The following RYR3 variants were observed in gnomAD, a reference collection of about 807,000 sequenced individuals.
RYR3 encodes the protein ryanodine receptor 3.
A neutral mutation model predicts 584.3 loss-of-function variants in RYR3; 207 were observed. The observed-to-expected ratio is 0.35, with a 90% CI of 0.32 to 0.40. The LOEUF is 0.40. Ranked by LOEUF, RYR3 falls within the 10% of genes least tolerant of loss-of-function variation. The pLI is 1.00. For missense variants in RYR3, 5,616 were observed against 6,089.2 expected, an observed-to-expected ratio of 0.92 and a Z score of 2.59; for synonymous variants, 2,416 against 2,248.5, an observed-to-expected ratio of 1.07 and a Z score of -2.11.
chr15:33,826,301 C>CGT (rs974343524), intron 83 of RYR3, 32 bp downstream of exon 83: 11 of 1,608,762 alleles, frequency 6.8e-6, no homozygotes, highest in Admixed American at 3.3e-5. Context: ...GAGTTCCTAC[C>CGT]GTGTGTGAAT....
intron 1 of RYR3, among the ~76,000 whole-genome samples, chr15:33,354,005 C>T (rs2140951612): frequency 6.6e-6 from 1 of 152,264 alleles, no homozygotes; most frequent in East Asian, 1.9e-4. Flanking sequence ...TGACGGCTGC[C>T]CAGAATCAAA....
At chr15:33,841,203 C>G (rs2078341360) in intron 90 of RYR3, among the ~76,000 whole-genome samples, 2 of 151,946 alleles carry the variant, frequency 1.3e-5, no homozygotes, top group South Asian at 2.1e-4. Flanking sequence ...GGCAGCAGAG[C>G]AAGACCCTGT....
chr15:33,511,655 A>G (rs972295678), intron 3 of RYR3, among the ~76,000 whole-genome samples: 7 of 151,636 alleles, frequency 4.6e-5, no homozygotes, highest in Admixed American at 3.3e-4. Context: ...TTGTGAAATT[A>G]GAGGTGGCTG....
intron 69 of RYR3, 121 bp from the exon 70 acceptor site, chr15:33,807,434 G>A (rs997933695): frequency 1.3e-5 from 12 of 952,924 alleles, no homozygotes; most frequent in Non-Finnish European, 2.0e-5. Context: ...AGTTTCTGTT[G>A]TGTTGGCTGA....
intron 12 of RYR3, among the ~76,000 whole-genome samples, chr15:33,576,840 G>C (rs2058325065): frequency 1.3e-5 from 2 of 152,194 alleles, no homozygotes; most frequent in African/African-American, 4.8e-5. Context: ...TCTGTTTGCA[G>C]ATGACATGAT....
intron 40 of RYR3, among the ~76,000 whole-genome samples, chr15:33,698,479 G>C (rs987299774): frequency 6.6e-6 from 1 of 152,220 alleles, no homozygotes; most frequent in African/African-American, 2.4e-5. Context: ...GCATCAGGGG[G>C]AGCTCCTGTT....
At chr15:33,754,122 C>T (rs1253345343) in intron 57 of RYR3, among the ~76,000 whole-genome samples, 3 of 152,100 alleles carry the variant, frequency 2.0e-5, no homozygotes, top group Non-Finnish European at 2.9e-5. Context: ...CCAATCTGGG[C>T]GACAGAGTGA....
At position 33,500,870 on chromosome 15, in the gene RYR3, A is replaced by G. The variant is rs375934340; in HGVS notation, c.172-2761A>G. ...AGGATGGCAGCTGGCATAGCAGGTC[A>G]GATGGCTCTGTGCTCCATTCATGTC... On this transcript the variant is annotated intron_variant, in intron 2 of 103. Coordinates refer to ENST00000634891, the MANE Select transcript of RYR3 (RefSeq NM_001036.6). Among the ~76,000 whole-genome samples the G allele has an allele frequency of 2.3e-4, 35 of 152,354 alleles. No individual in the cohort carries two copies. In the East Asian group the frequency reaches 6.4e-3, roughly 28 times the overall value.
intron 102 of RYR3, among the ~76,000 whole-genome samples, chr15:33,861,762 G>C (rs1238794984): frequency 2.0e-5 from 3 of 152,126 alleles, no homozygotes; most frequent in Non-Finnish European, 1.5e-5. Context: ...CTCATTAATA[G>C]CTAAGCCCCA....
rs1370141193 is a variant in RYR3, at chr15:33,853,587, A to T, written c.13704A>T (p.Ala4568=). The T allele has an allele frequency of 2.5e-6, 4 of 1,613,898 alleles. No individual in the cohort carries two copies. In the African/African-American group the frequency reaches 5.3e-5, roughly 22 times the overall value. ...VINKYGDLYG[A]ERIAELLGLD... ...ACAAGTATGGAGATCTCTACGGAGCAGAACGCATTGCTGAACTTCTGGGTT... is the reference window on the plus strand; with the variant it reads ...ACAAGTATGGAGATCTCTACGGAGCTGAACGCATTGCTGAACTTCTGGGTT... The change falls in exon 96 of 104, where the codon GCA becomes GCT. Residue 4568 remains alanine, a synonymous_variant. Coordinates refer to ENST00000634891, the MANE Select transcript of RYR3 (RefSeq NM_001036.6).
At chr15:33,405,408 G>A (rs2042955351) in intron 1 of RYR3, among the ~76,000 whole-genome samples, 1 of 152,192 alleles carries the variant, frequency 6.6e-6, no homozygotes, top group African/African-American at 2.4e-5. Flanking sequence ...ATATGGCCAA[G>A]ATTCTAGGCT....
chr15:33,859,903 C>G (rs1208183000), intron 100 of RYR3, among the ~76,000 whole-genome samples, 172 bp downstream of exon 100: 2 of 152,116 alleles, frequency 1.3e-5, no homozygotes, highest in African/African-American at 4.8e-5. Context: ...ATATATAAAG[C>G]CAAATACACA....
chr15:33,653,391 G>A (rs970098303), intron 32 of RYR3, among the ~76,000 whole-genome samples: 3 of 152,082 alleles, frequency 2.0e-5, no homozygotes, highest in African/African-American at 4.8e-5. Flanking sequence ...ACATTTATAG[G>A]CCAGGCGCAG....
At chr15:33,325,948 T>C (rs1352143549) in intron 1 of RYR3, among the ~76,000 whole-genome samples, 3 of 152,008 alleles carry the variant, frequency 2.0e-5, no homozygotes, top group African/African-American at 7.2e-5. Context: ...ACTACAGGCA[T>C]GTGCCACCAT....
chr15:33,702,410 T>C (rs2066372548), intron 42 of RYR3, among the ~76,000 whole-genome samples: 1 of 152,188 alleles, frequency 6.6e-6, no homozygotes, highest in African/African-American at 2.4e-5. Context: ...CAATTAATAT[T>C]GATGCAGTGG....
intron 1 of RYR3, among the ~76,000 whole-genome samples, chr15:33,465,073 C>T (rs1373187456): frequency 6.6e-6 from 1 of 152,046 alleles, no homozygotes; most frequent in East Asian, 1.9e-4. Flanking sequence ...GACATGATGC[C>T]CTTCTTTTTA....
At chr15:33,668,331 A>G (rs558826426) in intron 36 of RYR3, among the ~76,000 whole-genome samples, 26 of 152,204 alleles carry the variant, frequency 1.7e-4, no homozygotes, top group African/African-American at 5.8e-4. Context: ...AAACAAACAA[A>G]CAAACAAAAA....
chr15:33,349,738 TC>T (rs1407588825), intron 1 of RYR3, among the ~76,000 whole-genome samples: 1 of 75,014 alleles, frequency 1.3e-5, no homozygotes, highest in African/African-American at 6.7e-5. Flanking sequence ...ATGCTATCCC[TC>T]CCCCCTCCCC....
At position 33,865,226 on chromosome 15, in the gene RYR3, A is replaced by T; in HGVS notation, c.14613A>T (p.Ter4871TyrextTer2). The T allele has an allele frequency of 6.2e-7, 1 of 1,610,572 alleles. No homozygotes were observed. The highest frequency in any genetic ancestry group is 8.5e-7 in the Non-Finnish European group (1 of 1,177,752). The change falls in exon 104 of 104, where the codon TAA becomes TAT. Residue 4871 changes from the stop codon to tyrosine (Y), a stop_lost. Coordinates refer to ENST00000634891, the MANE Select transcript of RYR3 (RefSeq NM_001036.6). ...FRKQYEDQLG[*>Y] ...AACAATATGAAGATCAGCTTGGATA[A>T]ATCTGAATCAAAGAAGCGCGACAAT...
Sources: gnomAD v4.1 joint callset for allele counts (sites outside exome capture counted in the v4.1 genomes callset) on GRCh38, gnomAD v4.1.1 for gene constraint, MANE v1.5 for transcripts, NCBI Gene and HGNC (gene_info 2026-07-23, HGNC 2026-07-21) for gene names.